Variants in PLEKHA1 observed in about 807,000 individuals in gnomAD.
PLEKHA1 encodes pleckstrin homology domain-containing family A member 1.
Under a neutral mutation model 52.0 loss-of-function variants are expected in PLEKHA1, and 34 were observed. The observed-to-expected ratio is 0.65, with a 90% CI of 0.50 to 0.87. The LOEUF is 0.87. PLEKHA1 is among the 40% of genes least tolerant of loss of function. The pLI, the probability that PLEKHA1 is intolerant of heterozygous loss-of-function variation, is 0.00. For synonymous variants in PLEKHA1, 163 were observed against 170.7 expected, an observed-to-expected ratio of 0.95 and a Z score of 0.35; for missense variants, 497 against 504.2, an observed-to-expected ratio of 0.99 and a Z score of 0.14.
intron 2 of PLEKHA1, among the ~76,000 whole-genome samples, chr10:122,397,338 G>C (rs577633621): frequency 6.6e-6 from 1 of 151,954 alleles, no homozygotes; most frequent in Admixed American, 6.6e-5. Context: ...GAAACTTACG[G>C]GAAGAATGAA....
chr10:122,397,823 AG>A, intron 2 of PLEKHA1, 94 bp from the exon 3 acceptor site: 1 of 955,190 alleles, frequency 1.0e-6, no homozygotes, highest in Non-Finnish European at 1.5e-6. Flanking sequence ...TAAAAAATTG[AG>A]TTTTTAACTT....
At chr10:122,406,972 G>A (rs1197893723) in intron 5 of PLEKHA1, among the ~76,000 whole-genome samples, 1 of 152,122 alleles carries the variant, frequency 6.6e-6, no homozygotes, top group Non-Finnish European at 1.5e-5. Flanking sequence ...GAGTTCTACC[G>A]GGAGGATATA....
At chr10:122,396,873 A>G (rs1382213277) in intron 2 of PLEKHA1, among the ~76,000 whole-genome samples, 3 of 152,000 alleles carry the variant, frequency 2.0e-5, no homozygotes, top group Admixed American at 6.6e-5. Flanking sequence ...TCCTACCTCT[A>G]TCTTCCTCTT....
intron 9 of PLEKHA1, 110 bp downstream of exon 9, chr10:122,424,373 T>C (rs2097307997): frequency 1.6e-6 from 2 of 1,214,174 alleles, no homozygotes; most frequent in African/African-American, 3.2e-5. Context: ...ATTGTAGTTA[T>C]TTTTAACTCT....
rs780602865 is a variant in PLEKHA1 at position 122,429,904 on chromosome 10, T to C, written c.1181T>C (p.Leu394Ser). Reference sequence around the variant, plus strand: ...GAAAAAGATTGTGACCTAGTAGACTTGGACGATGCGAGCCTTCCGGTCAGT... The same window carrying C: ...GAAAAAGATTGTGACCTAGTAGACTCGGACGATGCGAGCCTTCCGGTCAGT... ...PQEKDCDLVD[L>S]DDASLPVSDV The change falls in exon 12 of 12, where the codon TTG (leucine) becomes TCG (serine). Residue 394 changes from leucine to serine, a missense_variant. Physicochemically the swap from Leu to Ser is moderately radical, Grantham distance 145 (BLOSUM62 -2). Coordinates refer to ENST00000368990, the MANE Select transcript of PLEKHA1 (RefSeq NM_001001974.4). 6.2e-7 allele frequency: 1 copy of C among 1,614,020 alleles called. No homozygotes were observed. Among genetic ancestry groups the C allele is most frequent in the Admixed American group, 1.7e-5 (1 of 59,996 alleles).
the PLEKHA1 span, chr10:122,439,461 G>A: frequency 6.6e-6 from 1 of 151,686 alleles, no homozygotes; most frequent in South Asian, 2.1e-4. Flanking sequence ...GCTGGGCACA[G>A]TGGCTCACGC....
chr10:122,406,732 GA>G, intron 5 of PLEKHA1, 59 bp downstream of exon 5: 1 of 1,249,684 alleles, frequency 8.0e-7, no homozygotes, highest in Non-Finnish European at 1.2e-6. Context: ...TTTTCATTTT[GA>G]AAATACACCT....
At chr10:122,407,197 C>T (rs1203397582) in intron 5 of PLEKHA1, among the ~76,000 whole-genome samples, 2 of 152,138 alleles carry the variant, frequency 1.3e-5, no homozygotes, top group East Asian at 3.9e-4. Context: ...CCATGTGACC[C>T]TTGAGAAGTT....
chr10:122,426,981 G>T lies in PLEKHA1; in HGVS notation c.850G>T (p.Val284Phe), dbSNP rs967536199. The T allele has an allele frequency of 1.2e-6, 2 of 1,614,118 alleles. No homozygotes were observed. Among genetic ancestry groups the T allele is most frequent in the East Asian group, 2.2e-5 (1 of 44,876 alleles). Reference protein sequence around the residue: ...PEEMHSWIKAVSGAIVAQRGP... With the variant: ...PEEMHSWIKAFSGAIVAQRGP... ...AGAGATGCACAGTTGGATTAAAGCA[G>T]TCTCTGGCGCCATTGTAGCACAGCG... Residue 284 changes from valine (V) to phenylalanine (F), a missense_variant, in exon 11 of 12, where the codon GTC (valine) becomes TTC (phenylalanine). Physicochemically the swap from Val to Phe is conservative, Grantham distance 50. Transcript: ENST00000368990.
chr10:122,426,679 T>A (rs1258067933), intron 10 of PLEKHA1, among the ~76,000 whole-genome samples: 1 of 152,192 alleles, frequency 6.6e-6, no homozygotes, highest in Non-Finnish European at 1.5e-5. Context: ...CTCCTCTCCT[T>A]GTTTTCTGTC....
Position 122,428,953 on chromosome 10 carries a change from C to T in PLEKHA1, c.901-671C>T, listed in dbSNP as rs184816905. Among the ~76,000 whole-genome samples the T allele has an allele frequency of 3.0e-3, 454 of 152,208 alleles. 1 individual carries two copies. Among genetic ancestry groups the T allele is most frequent in the African/African-American group, 0.011 (437 of 41,522 alleles). On this transcript the variant is annotated intron_variant, in intron 11 of 11. Coordinates refer to ENST00000368990, the MANE Select transcript of PLEKHA1 (RefSeq NM_001001974.4). ...ACATTCTCAACTACTAATTATTTCA[C>T]CACAGTTTAAAATGTGATAAATGTG...
At chr10:122,389,569 A>G (rs1438589660) in intron 1 of PLEKHA1, among the ~76,000 whole-genome samples, 3 of 152,270 alleles carry the variant, frequency 2.0e-5, no homozygotes, top group East Asian at 3.9e-4. Flanking sequence ...GCATGATGGC[A>G]TGTGCCTGTA....
chr10:122,388,077 A>G (rs2096725193), intron 1 of PLEKHA1: 2 of 152,208 alleles, frequency 1.3e-5, no homozygotes, highest in African/African-American at 4.8e-5. Context: ...ATGACATTTC[A>G]TACTTTCACA....
At chr10:122,429,202 T>C (rs1013009058) in intron 11 of PLEKHA1, among the ~76,000 whole-genome samples, 17 of 152,310 alleles carry the variant, frequency 1.1e-4, no homozygotes, top group South Asian at 6.2e-4. Flanking sequence ...TTTTTCATTC[T>C]AAAATATGTG....
At chr10:122,395,986 G>T (rs2096844107) in intron 2 of PLEKHA1, among the ~76,000 whole-genome samples, 1 of 151,978 alleles carries the variant, frequency 6.6e-6, no homozygotes, top group Non-Finnish European at 1.5e-5. Flanking sequence ...GTTATTTCTT[G>T]TTCATTGTCA....
the PLEKHA1 span, chr10:122,439,197 A>G: frequency 6.6e-6 from 1 of 152,156 alleles, no homozygotes; most frequent in African/African-American, 2.4e-5. Flanking sequence ...TCAATATTTA[A>G]CCATCATTAC....
intron 8 of PLEKHA1, chr10:122,419,036 A>G (rs2133307666): frequency 6.6e-6 from 1 of 152,300 alleles, no homozygotes; most frequent in East Asian, 1.9e-4. Flanking sequence ...ATCATTACAC[A>G]CAATGGCCAC....
At chr10:122,378,392 C>G (rs1254094839) in intron 1 of PLEKHA1, among the ~76,000 whole-genome samples, 1 of 149,702 alleles carries the variant, frequency 6.7e-6, no homozygotes, top group Non-Finnish European at 1.5e-5. Context: ...TGTCCCCCAC[C>G]CCCCATAACA....
downstream of PLEKHA1, chr10:122,436,603 A>C (rs922321329): frequency 6.6e-6 from 1 of 152,208 alleles, no homozygotes; most frequent in Non-Finnish European, 1.5e-5. Context: ...CAGGAGACCT[A>C]AGAAGACGAC....
Sources: gnomAD v4.1 joint callset for allele counts (sites outside exome capture counted in the v4.1 genomes callset) on GRCh38, gnomAD v4.1.1 for gene constraint, MANE v1.5 for transcripts, NCBI Gene and HGNC (gene_info 2026-07-23, HGNC 2026-07-21) for gene names.